Variants in PIAS2 observed in about 807,000 individuals in gnomAD.
PIAS2 encodes E3 SUMO-protein ligase PIAS2.
A neutral mutation model predicts 69.7 loss-of-function variants in PIAS2; 19 were observed. That is an observed-to-expected ratio of 0.27 (90% CI 0.19 to 0.40). The LOEUF (loss-of-function observed/expected upper bound fraction) is 0.40, where lower values mean the gene tolerates loss of function less well. Among genes scored for constraint, PIAS2 ranks in the 10% least tolerant of loss-of-function variants. PIAS2 has a pLI of 1.00. For synonymous variants in PIAS2, 261 were observed against 263.2 expected, an observed-to-expected ratio of 0.99 and a Z score of 0.08; for missense variants, 624 against 757.0, an observed-to-expected ratio of 0.82 and a Z score of 2.06.
chr18:46,829,921 G>A, intron 9 of PIAS2, 54 bp from the exon 10 acceptor site: 1 of 1,517,280 alleles, frequency 6.6e-7, no homozygotes, highest in Non-Finnish European at 9.0e-7. Context: ...GCCTAAAGGT[G>A]AAATAAGAAA....
intron 2 of PIAS2, among the ~76,000 whole-genome samples, chr18:46,871,093 G>A (rs532030459): frequency 5.3e-5 from 8 of 152,222 alleles, no homozygotes; most frequent in Admixed American, 1.3e-4. Flanking sequence ...TCTTGGGCAG[G>A]GAATACTCAA....
At chr18:46,815,172 T>C in intron 13 of PIAS2, 140 bp downstream of exon 13, 1 of 629,602 alleles carries the variant, frequency 1.6e-6, no homozygotes, top group South Asian at 2.4e-5. Flanking sequence ...AATTGTGAAA[T>C]ATTTGCACAG....
chr18:46,905,615 A>T (rs1337896751), intron 1 of PIAS2: 1 of 152,148 alleles, frequency 6.6e-6, no homozygotes, highest in African/African-American at 2.4e-5. Context: ...AAGGCATTTT[A>T]AAAAAAGACA....
At chr18:46,901,349 TG>T in intron 1 of PIAS2, 1 of 253,732 alleles carries the variant, frequency 3.9e-6, no homozygotes, top group Non-Finnish European at 8.0e-6. Context: ...GCGGACGTTG[TG>T]GTGAGCCAGG....
At chr18:46,830,188 A>C (rs2043395424) in intron 9 of PIAS2, among the ~76,000 whole-genome samples, 1 of 152,180 alleles carries the variant, frequency 6.6e-6, no homozygotes, top group Non-Finnish European at 1.5e-5. Context: ...AACACAGCAC[A>C]AAAAACAAAC....
At chr18:46,880,089 TAAAA>T (rs58230183) in intron 2 of PIAS2, among the ~76,000 whole-genome samples, 1 of 110,394 alleles carries the variant, frequency 9.1e-6, no homozygotes. Flanking sequence ...TTTACCACAG[TAAAA>T]AAAAAAAAAA....
chr18:46,851,683 A>G (rs2046990229), intron 5 of PIAS2, among the ~76,000 whole-genome samples: 1 of 152,242 alleles, frequency 6.6e-6, no homozygotes, highest in Admixed American at 6.5e-5. Flanking sequence ...ATCTTGATGT[A>G]GGTTAAAAAG....
At chr18:46,890,029 C>T (rs1243159841) in intron 2 of PIAS2, among the ~76,000 whole-genome samples, 1 of 152,168 alleles carries the variant, frequency 6.6e-6, no homozygotes, top group Non-Finnish European at 1.5e-5. Flanking sequence ...GAAATTCTAA[C>T]ATAAACTACA....
chr18:46,812,435 A>C lies in PIAS2; in HGVS notation c.1864T>G (p.Ter622GluextTer20). The C allele has an allele frequency of 6.3e-7, 1 of 1,599,304 alleles. No individual in the cohort carries two copies. Among genetic ancestry groups the C allele is most frequent in the Non-Finnish European group, 8.6e-7 (1 of 1,168,392 alleles). ...SNIPDIISLD[*>E] is the part of the protein sequence containing the mutation. Reference sequence around the variant, plus strand: ...CCCAGAATCAAGTGAGTCCTCCTTTAGTCCAATGAGATGATGTCAGGAATG... The same window carrying C: ...CCCAGAATCAAGTGAGTCCTCCTTTCGTCCAATGAGATGATGTCAGGAATG... The change falls in exon 14 of 14, where the codon TAA (stop) becomes GAA (glutamate). Residue 622 changes from the stop codon to glutamate, a stop_lost. Coordinates refer to ENST00000585916, the MANE Select transcript of PIAS2 (RefSeq NM_004671.5).
intron 2 of PIAS2, among the ~76,000 whole-genome samples, chr18:46,871,042 G>C (rs935084806): frequency 2.0e-5 from 3 of 152,172 alleles, no homozygotes; most frequent in African/African-American, 7.2e-5. Context: ...GAGGCTGAAA[G>C]AGCAAATGAG....
Position 46,804,043 on chromosome 18 carries a change from A to G in PIAS2, c.*8390T>C, listed in dbSNP as rs1290231642. ...CTCTCTTGGTGAATGCTTACTGCTG[A>G]GGTATTATATATTCCAAAGGTATTG... is the stretch of plus-strand genomic sequence containing the variant. On this transcript the variant is annotated 3_prime_UTR_variant, in exon 14 of 14. Transcript: ENST00000585916. 1 of 152,174 alleles carries G rather than the reference A, an allele frequency of 6.6e-6. No homozygotes were observed. The highest frequency in any genetic ancestry group is 2.4e-5 in the African/African-American group (1 of 41,442). 9.4% of individuals were successfully genotyped at this position (152,174 alleles called of 1,614,324 possible).
rs767452440 is a variant in PIAS2, at chr18:46,812,590, T to C, written c.1709A>G (p.Asp570Gly). 1.4e-5 allele frequency: 22 copies of C among 1,612,280 alleles called. No homozygotes were observed. In the East Asian group the frequency reaches 4.2e-4, roughly 31 times the overall value. ...DPQYCPPMFLDSLTSPLTASS... is the reference protein window; with the variant it reads ...DPQYCPPMFLGSLTSPLTASS... ...TGCTGTTAAGGGTGAGGTGAGACTA[T>C]CCAAAAACATAGGAGGACAGTACTG... The change falls in exon 14 of 14, where the codon GAT (aspartate) becomes GGT (glycine). Residue 570 changes from aspartate to glycine, a missense_variant. By Grantham distance (94) the Asp-to-Gly change is moderately conservative. Transcript: ENST00000585916.
intron 2 of PIAS2, among the ~76,000 whole-genome samples, chr18:46,877,419 C>A (rs577549234): frequency 9.9e-5 from 15 of 152,162 alleles, no homozygotes; most frequent in South Asian, 4.1e-4. Flanking sequence ...ACTTCTCCTG[C>A]GAGTCCCAAT....
chr18:46,818,091 TTTTAA>T (rs2041757982), intron 12 of PIAS2: 1 of 1,015,386 alleles, frequency 9.8e-7, no homozygotes, highest in African/African-American at 1.7e-5. Flanking sequence ...ACTGATAAAA[TTTTAA>T]TTTAAAAATT....
At chr18:46,870,779 T>C (rs540009119) in intron 2 of PIAS2, among the ~76,000 whole-genome samples, 2 of 152,094 alleles carry the variant, frequency 1.3e-5, no homozygotes, top group Admixed American at 6.5e-5. Flanking sequence ...GAAAGAAGCA[T>C]GATCCAAAGG....
At chr18:46,875,154 T>C (rs899977263) in intron 2 of PIAS2, among the ~76,000 whole-genome samples, 4 of 152,152 alleles carry the variant, frequency 2.6e-5, no homozygotes, top group African/African-American at 9.7e-5. Context: ...AGTCATCTCA[T>C]ATGGAGATGA....
intron 6 of PIAS2, among the ~76,000 whole-genome samples, chr18:46,845,744 T>C (rs1028294535): frequency 1.6e-4 from 24 of 152,196 alleles, no homozygotes; most frequent in African/African-American, 5.8e-4. Context: ...TATTTTTTAA[T>C]GTTCTTTTAG....
chr18:46,818,214 TTAAA>T (rs2041775847), intron 12 of PIAS2: 1 of 1,203,734 alleles, frequency 8.3e-7, no homozygotes, highest in East Asian at 3.5e-5. Context: ...TGCTACATGA[TTAAA>T]TATGTAAATG....
intron 1 of PIAS2, chr18:46,914,995 G>A (rs2057660886): frequency 6.6e-6 from 1 of 151,430 alleles, no homozygotes. Context: ...TTATTATAAT[G>A]TCACACAAGA....
Sources: allele counts gnomAD v4.1 joint callset (sites outside exome capture counted in the v4.1 genomes callset), GRCh38; gene constraint gnomAD v4.1.1; transcripts MANE v1.5; gene names NCBI Gene and HGNC (gene_info 2026-07-23, HGNC 2026-07-21).